ESRRG: variants seen among roughly 807,000 people sequenced by gnomAD.
The protein encoded by ESRRG is estrogen related receptor gamma.
Under a neutral mutation model 44.0 loss-of-function variants are expected in ESRRG, and 13 were observed. That is an observed-to-expected ratio of 0.30 (90% CI 0.19 to 0.47). The LOEUF (loss-of-function observed/expected upper bound fraction) is 0.47. Ranked by LOEUF, ESRRG falls within the 20% of genes least tolerant of loss-of-function variation. The pLI, the probability that ESRRG is intolerant of heterozygous loss-of-function variation, is 1.00. For missense variants in ESRRG, 395 were observed against 580.6 expected (o/e 0.68, Z 3.29); for synonymous variants, 215 against 214.6 (o/e 1.00, Z -0.02).
At chr1:216,715,863 G>A (rs1219114606) in intron 1 of ESRRG, among the ~76,000 whole-genome samples, 2 of 151,956 alleles carry the variant, frequency 1.3e-5, no homozygotes, top group African/African-American at 2.4e-5. Flanking sequence ...CATGAAAAAT[G>A]AGTAAAATCT....
intron 5 of ESRRG, among the ~76,000 whole-genome samples, chr1:216,535,309 T>C (rs901671952): frequency 2.0e-5 from 3 of 152,100 alleles, no homozygotes; most frequent in East Asian, 1.9e-4. Flanking sequence ...CTCTGGTCTA[T>C]GGTATGCTCC....
chr1:216,833,108 C>T (rs894777995), intron 2 of ESRRG, among the ~76,000 whole-genome samples: 1 of 151,992 alleles, frequency 6.6e-6, no homozygotes, highest in African/African-American at 2.4e-5. Context: ...GCATTGACTG[C>T]ACTAACACTT....
intron 3 of ESRRG, among the ~76,000 whole-genome samples, chr1:216,568,533 C>G (rs1204895948): frequency 6.6e-6 from 1 of 152,130 alleles, no homozygotes; most frequent in African/African-American, 2.4e-5. Context: ...CCAGAGGCCT[C>G]AGGATGGACC....
chr1:216,802,962 A>G (rs1053982930), intron 2 of ESRRG, among the ~76,000 whole-genome samples: 3 of 152,132 alleles, frequency 2.0e-5, no homozygotes, highest in Admixed American at 1.3e-4. Flanking sequence ...GTGAGTGCTC[A>G]ATCGTCTTTT....
At chr1:216,687,352 C>T (rs2078203212) in intron 1 of ESRRG, among the ~76,000 whole-genome samples, 1 of 152,154 alleles carries the variant, frequency 6.6e-6, no homozygotes, top group South Asian at 2.1e-4. Flanking sequence ...CGACACCACG[C>T]TGTCAGCAAG....
chr1:216,750,029 C>G (rs2091851224), intron 2 of ESRRG, among the ~76,000 whole-genome samples: 1 of 152,180 alleles, frequency 6.6e-6, no homozygotes, highest in Non-Finnish European at 1.5e-5. Context: ...CAATAGTGCT[C>G]AAACATTACA....
chr1:216,564,538 C>T, intron 4 of ESRRG, 158 bp from the exon 5 acceptor site: 1 of 463,750 alleles, frequency 2.2e-6, no homozygotes, highest in Non-Finnish European at 3.7e-6. Flanking sequence ...AAACGGTGTG[C>T]AGGAAAACTC....
chr1:216,734,179 G>C (rs554200756), intron 2 of ESRRG, among the ~76,000 whole-genome samples: 1 of 151,984 alleles, frequency 6.6e-6, no homozygotes, highest in Admixed American at 6.6e-5. Context: ...CTTCTTGATG[G>C]CCTTTAATCC....
intron 3 of ESRRG, among the ~76,000 whole-genome samples, chr1:216,593,260 A>G (rs2150033005): frequency 6.6e-6 from 1 of 152,318 alleles, no homozygotes; most frequent in African/African-American, 2.4e-5. Context: ...ACAGTCTTCT[A>G]TTGTTAATTG....
At chr1:216,978,422 T>C (rs1434540621) in intron 1 of ESRRG, among the ~76,000 whole-genome samples, 6 of 152,130 alleles carry the variant, frequency 3.9e-5, no homozygotes, top group African/African-American at 1.4e-4. Context: ...ACACAGACAG[T>C]GCCAAAATTG....
intron 1 of ESRRG, among the ~76,000 whole-genome samples, chr1:217,018,926 C>T (rs2079861159): frequency 6.6e-6 from 1 of 152,250 alleles, no homozygotes; most frequent in East Asian, 1.9e-4. Flanking sequence ...AAATAGGCAT[C>T]CCTGGTACAG....
chr1:216,898,597 G>A lies in ESRRG; in HGVS notation c.-14+40985C>T, dbSNP rs939360211. ...CATGGCACTGCACTCCAGCCTAGGC[G>A]ACAAAGCGAGACTCTGTCTCAAAAA... On this transcript the variant is annotated intron_variant, in intron 2 of 7. Transcript: ENST00000359162. 5.3e-5 allele frequency among the ~76,000 whole-genome samples: 8 copies of A among 152,210 alleles called. No individual in the cohort carries two copies. In the South Asian group the frequency reaches 1.0e-3, roughly 20 times the overall value.
At chr1:216,935,541 G>A (rs915551621) in intron 2 of ESRRG, among the ~76,000 whole-genome samples, 1 of 152,048 alleles carries the variant, frequency 6.6e-6, no homozygotes, top group Non-Finnish European at 1.5e-5. Context: ...TTCCAGGTAT[G>A]TCACCTTCCC....
At chr1:216,635,413 T>G (rs2065090860) in intron 3 of ESRRG, among the ~76,000 whole-genome samples, 1 of 152,188 alleles carries the variant, frequency 6.6e-6, no homozygotes, top group South Asian at 2.1e-4. Flanking sequence ...AGGGACAATA[T>G]GGTTGTTAAA....
At chr1:216,948,003 C>T (rs1395904403) in intron 1 of ESRRG, among the ~76,000 whole-genome samples, 1 of 152,042 alleles carries the variant, frequency 6.6e-6, no homozygotes, top group Non-Finnish European at 1.5e-5. Context: ...GTCAGAAAGC[C>T]ACAAGATAGA....
intron 2 of ESRRG, among the ~76,000 whole-genome samples, chr1:216,797,441 T>C (rs2094500596): frequency 6.6e-6 from 1 of 152,156 alleles, no homozygotes; most frequent in Non-Finnish European, 1.5e-5. Flanking sequence ...TGTTCTGCAG[T>C]ACCAGGAGTT....
At chr1:217,113,494 C>T (rs2092683127) in intron 1 of ESRRG, among the ~76,000 whole-genome samples, 1 of 152,152 alleles carries the variant, frequency 6.6e-6, no homozygotes, top group South Asian at 2.1e-4. Flanking sequence ...CAAGGAACTA[C>T]TCCTCTCCCC....
Position 216,528,226 on chromosome 1 carries a change from G to A in ESRRG, c.863-8805C>T, listed in dbSNP as rs115118595. On this transcript the variant is annotated intron_variant, in intron 5 of 6. Transcript: ENST00000408911. ...GAATGTTTATTAAGGCACTGATTTC[G>A]TATAATGCTCTTTTCTTATAAGTGC... Among the ~76,000 whole-genome samples the A allele has an allele frequency of 1.9e-3, 293 of 152,226 alleles. 2 individuals carry two copies. The highest frequency in any genetic ancestry group is 6.3e-3 in the African/African-American group (260 of 41,546).
chr1:216,648,220 G>T (rs1318504346), intron 3 of ESRRG, among the ~76,000 whole-genome samples: 1 of 152,096 alleles, frequency 6.6e-6, no homozygotes, highest in African/African-American at 2.4e-5. Context: ...TAGATGCAGG[G>T]TACAATGCAA....
Sources: allele counts gnomAD v4.1 joint callset (sites outside exome capture counted in the v4.1 genomes callset), GRCh38; gene constraint gnomAD v4.1.1; transcripts MANE v1.5; gene names NCBI Gene and HGNC (gene_info 2026-07-23, HGNC 2026-07-21).